Variants in TENM4 observed in about 807,000 individuals in gnomAD.
The protein encoded by TENM4 is teneurin-4.
Under a neutral mutation model 243.3 loss-of-function variants are expected in TENM4, and 82 were observed. The ratio of observed to expected loss-of-function variants is 0.34; its 90% CI spans 0.28 to 0.40. The LOEUF (loss-of-function observed/expected upper bound fraction) is 0.40, where lower values mean the gene tolerates loss of function less well. Ranked by LOEUF, TENM4 falls within the 10% of genes least tolerant of loss-of-function variation. TENM4 has a pLI of 1.00. For synonymous variants in TENM4, 1,412 were observed against 1,456.3 expected, an observed-to-expected ratio of 0.97 and a Z score of 0.69; for missense variants, 3,138 against 3,673.3, an observed-to-expected ratio of 0.85 and a Z score of 3.77.
At chr11:79,351,410 T>C (rs1189017375) in intron 1 of TENM4, among the ~76,000 whole-genome samples, 1 of 152,110 alleles carries the variant, frequency 6.6e-6, no homozygotes, top group Non-Finnish European at 1.5e-5. Flanking sequence ...GGATACTCAG[T>C]AAATCTTTGT....
At position 79,063,046 on chromosome 11, in the gene TENM4, T is replaced by C. The variant is rs892858; in HGVS notation, c.493+1692A>G. On this transcript the variant is annotated intron_variant, in intron 6 of 33. Transcript: ENST00000278550. Reference sequence around the variant, plus strand: ...AAGCCACTACCCAGTACCCAAGCAATTGCCACCCTCCCACCCCTAGACAAG... The same window carrying C: ...AAGCCACTACCCAGTACCCAAGCAACTGCCACCCTCCCACCCCTAGACAAG... Among the ~76,000 whole-genome samples, 736 of 152,170 alleles carry C rather than the reference T, an allele frequency of 4.8e-3. 6 individuals are homozygous for C. The highest frequency in any genetic ancestry group is 0.017 in the African/African-American group (691 of 41,476).
rs10647135 is a variant in TENM4 at position 79,061,965 on chromosome 11, A to ATTTT, written c.493+2769_493+2772dup. On this transcript the variant is annotated intron_variant, in intron 6 of 33. Coordinates refer to ENST00000278550, the MANE Select transcript of TENM4 (RefSeq NM_001098816.3). ...TAGGTTGAGATAATCGGTGGCAACTATTTTTTTTTTTTTTTTGACAGAGTC... is the reference window on the plus strand; with the variant it reads ...TAGGTTGAGATAATCGGTGGCAACTATTTTTTTTTTTTTTTTTTTTGACAGAGTC... 5.8e-3 allele frequency among the ~76,000 whole-genome samples: 835 copies of ATTTT among 143,266 alleles called. 12 individuals carry two copies. The highest frequency in any genetic ancestry group is 0.02 in the African/African-American group (783 of 38,504). The allele number at this position is 143,266 out of a possible 152,430, so 94.0% of individuals were successfully genotyped here. A position where few individuals can be genotyped will look rare whatever the true frequency, so the allele number is the denominator to read the frequency against.
chr11:79,054,978 A>C (rs1440213915), intron 6 of TENM4, among the ~76,000 whole-genome samples: 5 of 151,872 alleles, frequency 3.3e-5, no homozygotes, highest in Admixed American at 1.3e-4. Context: ...TAAACAAACA[A>C]TTAGCCAGGC....
chr11:78,745,296 G>T (rs529837732), intron 19 of TENM4, among the ~76,000 whole-genome samples: 9 of 144,736 alleles, frequency 6.2e-5, no homozygotes, highest in African/African-American at 2.4e-4. Context: ...GCGTGATCTC[G>T]GCTCACTGGA....
intron 6 of TENM4, among the ~76,000 whole-genome samples, chr11:78,952,038 A>G (rs1857117971): frequency 6.6e-6 from 1 of 152,020 alleles, no homozygotes. Context: ...TCCCCTTACT[A>G]GTGGCTGCTT....
intron 15 of TENM4, among the ~76,000 whole-genome samples, chr11:78,798,755 T>C (rs899528988): frequency 2.6e-5 from 4 of 151,930 alleles, no homozygotes; most frequent in African/African-American, 9.7e-5. Context: ...TGCCCTCTCC[T>C]CCTTGGCCAC....
At chr11:79,115,595 G>A (rs945677395) in intron 4 of TENM4, among the ~76,000 whole-genome samples, 1 of 152,154 alleles carries the variant, frequency 6.6e-6, no homozygotes, top group Admixed American at 6.5e-5. Flanking sequence ...AGCTCCAGAC[G>A]TGAGTATCCA....
intron 17 of TENM4, among the ~76,000 whole-genome samples, chr11:78,774,422 C>T (rs964798010): frequency 7.9e-5 from 12 of 152,252 alleles, no homozygotes; most frequent in African/African-American, 1.7e-4. Context: ...CAGTGGGAGG[C>T]GGCATGATGG....
At chr11:79,233,941 T>G (rs188959707) in intron 2 of TENM4, among the ~76,000 whole-genome samples, 2 of 152,240 alleles carry the variant, frequency 1.3e-5, no homozygotes, top group East Asian at 3.9e-4. Flanking sequence ...CATGGCTGTG[T>G]GAGGGGAAGC....
chr11:78,961,767 G>A (rs1257448401), intron 6 of TENM4, among the ~76,000 whole-genome samples: 2 of 150,376 alleles, frequency 1.3e-5, no homozygotes, highest in Admixed American at 6.6e-5. Flanking sequence ...GTTGGTTGGT[G>A]TTGCCTATGT....
At chr11:79,275,259 A>G (rs1856036184) in intron 2 of TENM4, among the ~76,000 whole-genome samples, 1 of 144,990 alleles carries the variant, frequency 6.9e-6, no homozygotes, top group Non-Finnish European at 1.5e-5. Flanking sequence ...GTGCGCGCGC[A>G]TGCGGGCATG....
rs1857827640 is a variant in TENM4, at chr11:78,653,793, G to C, written c.*4265C>G. The C allele has an allele frequency of 6.6e-6, 1 of 152,260 alleles. No individual in the cohort carries two copies. Among genetic ancestry groups the C allele is most frequent in the Admixed American group, 6.5e-5 (1 of 15,288 alleles). The allele number at this position is 152,260 out of a possible 1,614,324, so 9.4% of individuals were successfully genotyped here. A position where few individuals can be genotyped will look rare whatever the true frequency, so the allele number is the denominator to read the frequency against. On this transcript the variant is annotated 3_prime_UTR_variant, in exon 34 of 34. Transcript: ENST00000278550. The stretch of plus-strand genomic sequence containing the variant: ...CTAGTACCTTGCCTTTGGCATTCCA[G>C]AGGGGGTAAGAAACACAACATTGGC...
At chr11:79,203,167 A>G (rs1303526624) in intron 3 of TENM4, among the ~76,000 whole-genome samples, 1 of 152,230 alleles carries the variant, frequency 6.6e-6, no homozygotes, top group African/African-American at 2.4e-5. Context: ...ACCCTTATAC[A>G]CTGCTGGTGG....
At chr11:79,098,085 C>T (rs994427873) in intron 4 of TENM4, 2 of 152,162 alleles carry the variant, frequency 1.3e-5, no homozygotes, top group Admixed American at 6.5e-5. Flanking sequence ...TAAGTATAAT[C>T]GTAAAAGTAC....
chr11:79,341,683 T>G (rs77277472), intron 1 of TENM4, among the ~76,000 whole-genome samples: 1,572 of 152,336 alleles, frequency 0.01, 28 homozygotes, highest in African/African-American at 0.036. Context: ...GGGGCCTCTC[T>G]GTGCTCTCTG....
chr11:79,082,007 G>T (rs1202564030), intron 4 of TENM4, among the ~76,000 whole-genome samples: 1 of 152,142 alleles, frequency 6.6e-6, no homozygotes, highest in African/African-American at 2.4e-5. Context: ...TTCATCATCT[G>T]TTAGGAAAAT....
intron 3 of TENM4, among the ~76,000 whole-genome samples, chr11:79,184,906 C>G (rs915810801): frequency 6.6e-6 from 1 of 152,106 alleles, no homozygotes; most frequent in Non-Finnish European, 1.5e-5. Context: ...GAAATTTAAA[C>G]AAGTAAGACT....
chr11:79,404,418 G>C (rs1272737922), intron 1 of TENM4, among the ~76,000 whole-genome samples: 1 of 152,222 alleles, frequency 6.6e-6, no homozygotes, highest in Non-Finnish European at 1.5e-5. Context: ...GTTGCAGAGA[G>C]AGAAAGTAGA....
intron 1 of TENM4, among the ~76,000 whole-genome samples, chr11:79,343,592 C>T (rs191567982): frequency 8.6e-5 from 13 of 152,028 alleles, no homozygotes; most frequent in South Asian, 6.3e-4. Flanking sequence ...GGCCCTGACT[C>T]ACCTTTTTAA....
Sources: allele counts gnomAD v4.1 joint callset (sites outside exome capture counted in the v4.1 genomes callset), GRCh38; gene constraint gnomAD v4.1.1; transcripts MANE v1.5; gene names NCBI Gene and HGNC (gene_info 2026-07-23, HGNC 2026-07-21).